Variants in VEPH1 observed in about 807,000 individuals in gnomAD.
VEPH1 encodes ventricular zone-expressed PH domain-containing protein homolog 1.
Under a neutral mutation model 85.2 loss-of-function variants are expected in VEPH1, and 80 were observed. The observed-to-expected ratio is 0.94, with a 90% confidence interval of 0.78 to 1.13. The LOEUF (loss-of-function observed/expected upper bound fraction) is 1.13. Ranked by LOEUF, VEPH1 falls within the 50% of genes most tolerant of loss-of-function variation. The probability of loss-of-function intolerance (pLI) is 0.00; values close to 1 mark genes in which losing one functional copy is unlikely to be tolerated. For missense variants in VEPH1, 955 were observed against 980.5 expected (o/e 0.97, Z 0.35); for synonymous variants, 297 against 348.0 (o/e 0.85, Z 1.63).
intron 4 of VEPH1, among the ~76,000 whole-genome samples, chr3:157,454,260 G>C (rs1259988771): frequency 1.3e-5 from 2 of 152,018 alleles, no homozygotes; most frequent in Admixed American, 1.3e-4. Flanking sequence ...ATTTAATCCC[G>C]TGGCCAAAGG....
chr3:157,489,643 C>T (rs925705856), intron 2 of VEPH1, among the ~76,000 whole-genome samples: 4 of 152,062 alleles, frequency 2.6e-5, no homozygotes, highest in South Asian at 2.1e-4. Context: ...TCTTCTAATA[C>T]ACTACATATC....
chr3:157,347,350 G>T (rs1052331084), intron 9 of VEPH1, among the ~76,000 whole-genome samples: 1 of 152,182 alleles, frequency 6.6e-6, no homozygotes, highest in South Asian at 2.1e-4. Context: ...GCGTATTCAA[G>T]GTTATTTTTC....
In VEPH1 at chr3:157,386,250, C is replaced by CAAAAAAAAAAAAAAAAAAAAAAAA. The variant is rs71302265; in HGVS notation, c.907-4898_907-4875dup. The stretch of plus-strand genomic sequence containing the variant: ...GTTACTTCAAGTAAAAATGGTTCCA[C>CAAAAAAAAAAAAAAAAAAAAAAAA]AAAAAAAAAAAAAAAAAAAAAAAAG... On this transcript the variant is annotated intron_variant, in intron 6 of 13. Coordinates refer to ENST00000362010, the MANE Select transcript of VEPH1 (RefSeq NM_001167912.2). Among the ~76,000 whole-genome samples the CAAAAAAAAAAAAAAAAAAAAAAAA allele has an allele frequency of 5.2e-5, 2 of 38,484 alleles. 1 individual carries two copies. The highest frequency in any genetic ancestry group is 8.6e-5 in the Non-Finnish European group (2 of 23,356). 25.2% of individuals were successfully genotyped at this position (38,484 alleles called of 152,430 possible).
At chr3:157,345,141 C>G (rs1338882343) in intron 9 of VEPH1, among the ~76,000 whole-genome samples, 2 of 152,072 alleles carry the variant, frequency 1.3e-5, no homozygotes, top group African/African-American at 2.4e-5. Flanking sequence ...TCTAAAACAC[C>G]AAAAGCAATG....
intron 11 of VEPH1, among the ~76,000 whole-genome samples, chr3:157,286,957 T>C (rs1384618370): frequency 1.3e-5 from 2 of 152,188 alleles, no homozygotes; most frequent in Non-Finnish European, 2.9e-5. Context: ...AGAATTTTCT[T>C]GCATCTAGCA....
At chr3:157,413,299 T>TA (rs1731661379) in intron 6 of VEPH1, among the ~76,000 whole-genome samples, 1 of 152,188 alleles carries the variant, frequency 6.6e-6, no homozygotes, top group Admixed American at 6.5e-5. Flanking sequence ...TGCAAATATT[T>TA]AGCCTAGTAC....
chr3:157,331,342 T>C (rs759759404), intron 9 of VEPH1, among the ~76,000 whole-genome samples: 2 of 152,196 alleles, frequency 1.3e-5, no homozygotes, highest in Admixed American at 6.5e-5. Flanking sequence ...ATGGTGATCC[T>C]TGGGGGAGAC....
chr3:157,335,435 G>A (rs989297837), intron 9 of VEPH1, among the ~76,000 whole-genome samples: 2 of 152,002 alleles, frequency 1.3e-5, no homozygotes, highest in African/African-American at 4.8e-5. Flanking sequence ...AAGAAGGAAA[G>A]GAATGTGCAT....
At chr3:157,286,534 A>T (rs4680353) in intron 12 of VEPH1, 23 bp downstream of exon 12, 21 of 1,593,560 alleles carry the variant, frequency 1.3e-5, no homozygotes, top group Admixed American at 1.7e-5. Context: ...AATGGTTCTT[A>T]GCAGCAGGTA....
chr3:157,379,842 T>C (rs1488325560), intron 7 of VEPH1, among the ~76,000 whole-genome samples: 2 of 152,182 alleles, frequency 1.3e-5, no homozygotes, highest in Non-Finnish European at 2.9e-5. Flanking sequence ...TTGTGTAACA[T>C]TGGGAAGATA....
intron 7 of VEPH1, among the ~76,000 whole-genome samples, chr3:157,380,537 G>T (rs1229206432): frequency 1.3e-5 from 2 of 152,152 alleles, no homozygotes; most frequent in East Asian, 3.9e-4. Flanking sequence ...CTGCCCAAAA[G>T]ACAGCCTGGT....
rs556400949 is a variant in VEPH1 at position 157,411,147 on chromosome 3, T to C, written c.906+2734A>G. On this transcript the variant is annotated intron_variant, in intron 6 of 13. Coordinates refer to ENST00000362010, the MANE Select transcript of VEPH1 (RefSeq NM_001167912.2). ...GTGGAGACAGTGTCATCTTGGACCA[T>C]GAGACAGAAGCTATTGCTTTCTGGT... Among the ~76,000 whole-genome samples, 7 of 152,272 alleles carry C rather than the reference T, an allele frequency of 4.6e-5. No homozygotes were observed. In the South Asian group the frequency reaches 1.5e-3, roughly 32 times the overall value.
chr3:157,345,799 T>G (rs900296569), intron 9 of VEPH1, among the ~76,000 whole-genome samples: 8 of 152,110 alleles, frequency 5.3e-5, no homozygotes, highest in African/African-American at 1.9e-4. Flanking sequence ...ATAAATGATA[T>G]ACTGGATTAA....
intron 11 of VEPH1, among the ~76,000 whole-genome samples, chr3:157,300,138 T>C (rs1168552696): frequency 6.6e-6 from 1 of 152,236 alleles, no homozygotes; most frequent in South Asian, 2.1e-4. Context: ...TCTAATAGTA[T>C]AGTGCCTGGT....
At chr3:157,438,024 C>CGG in intron 4 of VEPH1, 22 of 778,048 alleles carry the variant, frequency 2.8e-5, no homozygotes, top group Non-Finnish European at 4.2e-5. Context: ...ATGGGAAGCG[C>CGG]GCGCGCGCGC....
chr3:157,295,118 A>T (rs1717962283), intron 11 of VEPH1, among the ~76,000 whole-genome samples: 1 of 152,170 alleles, frequency 6.6e-6, no homozygotes, highest in African/African-American at 2.4e-5. Context: ...AGACCCTAGG[A>T]TGTGTAAGAT....
chr3:157,459,689 T>A lies in VEPH1; in HGVS notation c.529+492A>T, dbSNP rs1735658617. The A allele has an allele frequency of 2.9e-6, 4 of 1,392,494 alleles. No homozygotes were observed. The African/African-American group carries it at 5.8e-5, about 20-fold the overall frequency. 86.3% of individuals were successfully genotyped at this position (1,392,494 alleles called of 1,614,324 possible). A position where few individuals can be genotyped will look rare whatever the true frequency, so the allele number is the denominator to read the frequency against. On this transcript the variant is annotated intron_variant, in intron 4 of 13. Coordinates refer to ENST00000362010, the MANE Select transcript of VEPH1 (RefSeq NM_001167912.2). ...GTAACAATTAACAGAGGTGTACTAT[T>A]TGGCTTTTTATGCTAGTATTTATGC...
At chr3:157,378,306 G>GTGTA (rs1728363199) in intron 7 of VEPH1, among the ~76,000 whole-genome samples, 1 of 94,636 alleles carries the variant, frequency 1.1e-5, no homozygotes, top group Non-Finnish European at 2.0e-5. Context: ...TTTTTGAATG[G>GTGTA]TATATATATA....
chr3:157,481,459 C>A (rs1454964842), intron 2 of VEPH1, among the ~76,000 whole-genome samples: 5 of 66,540 alleles, frequency 7.5e-5, no homozygotes, highest in African/African-American at 3.9e-4. Context: ...CACACACACA[C>A]ACACACAAAA....
Sources: gnomAD v4.1 joint callset for allele counts (sites outside exome capture counted in the v4.1 genomes callset) on GRCh38, gnomAD v4.1.1 for gene constraint, MANE v1.5 for transcripts, NCBI Gene and HGNC (gene_info 2026-07-23, HGNC 2026-07-21) for gene names.